RBFOX1: variants seen among roughly 807,000 people sequenced by gnomAD.
RBFOX1 encodes the protein RNA binding fox-1 homolog 1.
Under a neutral mutation model 57.7 loss-of-function variants are expected in RBFOX1, and 8 were observed. The ratio of observed to expected loss-of-function variants is 0.14; its 90% CI spans 0.08 to 0.25. RBFOX1 has a LOEUF of 0.25. Among genes scored for constraint, RBFOX1 ranks in the 10% least tolerant of loss-of-function variants. The probability of loss-of-function intolerance (pLI) is 1.00; values close to 1 mark genes in which losing one functional copy is unlikely to be tolerated. For synonymous variants in RBFOX1, 326 were observed against 222.4 expected, an observed-to-expected ratio of 1.47 and a Z score of -4.15; for missense variants, 611 against 548.5, an observed-to-expected ratio of 1.11 and a Z score of -1.14.
At chr16:6,508,241 A>C (rs994406328) in intron 2 of RBFOX1, among the ~76,000 whole-genome samples, 10 of 152,126 alleles carry the variant, frequency 6.6e-5, no homozygotes, top group Non-Finnish European at 4.4e-5. Flanking sequence ...GAGGGAGAGG[A>C]TCAGGAAAAA....
At chr16:5,354,183 C>A (rs146605471) in intron 1 of RBFOX1, among the ~76,000 whole-genome samples, 1 of 152,198 alleles carries the variant, frequency 6.6e-6, no homozygotes, top group African/African-American at 2.4e-5. Flanking sequence ...CTTGCGGGAG[C>A]TGTTCCTGTC....
intron 2 of RBFOX1, among the ~76,000 whole-genome samples, chr16:6,396,659 C>G (rs1019872593): frequency 6.6e-6 from 1 of 152,096 alleles, no homozygotes; most frequent in South Asian, 2.1e-4. Flanking sequence ...AAAATCAGCA[C>G]TCTTCTGAGT....
At chr16:6,952,149 T>C (rs1159527166) in intron 3 of RBFOX1, among the ~76,000 whole-genome samples, 3 of 152,186 alleles carry the variant, frequency 2.0e-5, no homozygotes, top group Admixed American at 6.5e-5. Flanking sequence ...GCAGAGCACA[T>C]AGTCGTTGTG....
chr16:5,951,133 C>A (rs533560351), intron 4 of RBFOX1, among the ~76,000 whole-genome samples: 1 of 152,034 alleles, frequency 6.6e-6, no homozygotes, highest in Admixed American at 6.6e-5. Context: ...AGAGAGATAT[C>A]CTGAACTTTT....
intron 3 of RBFOX1, among the ~76,000 whole-genome samples, chr16:6,942,262 C>G (rs569212402): frequency 2.0e-5 from 3 of 151,964 alleles, no homozygotes; most frequent in Admixed American, 2.0e-4. Context: ...CCTGACTGAC[C>G]GAGTGAGACT....
At chr16:6,922,513 A>G (rs553862686) in intron 3 of RBFOX1, among the ~76,000 whole-genome samples, 27 of 151,916 alleles carry the variant, frequency 1.8e-4, no homozygotes, top group African/African-American at 6.6e-4. Context: ...GTTTTTCCAC[A>G]TTTAAAATCT....
intron 4 of RBFOX1, among the ~76,000 whole-genome samples, chr16:7,480,575 C>A (rs768581752): frequency 6.6e-6 from 1 of 152,196 alleles, no homozygotes; most frequent in Admixed American, 6.5e-5. Flanking sequence ...GTCTCCATCA[C>A]CTCCTTTTTT....
At position 6,436,303 on chromosome 16, in the gene RBFOX1, C is replaced by A. The variant is rs1176625505; in HGVS notation, c.-64+119246C>A. On this transcript the variant is annotated intron_variant, in intron 2 of 15. Transcript: ENST00000550418. ...AATTACCAGTGAAATTACTTTTCCTCCTCTTAATGCCTTTTCTCTGTTAGT... is the reference window on the plus strand; with the variant it reads ...AATTACCAGTGAAATTACTTTTCCTACTCTTAATGCCTTTTCTCTGTTAGT... Among the ~76,000 whole-genome samples, 83 of 152,100 alleles carry A rather than the reference C, an allele frequency of 5.5e-4. 2 individuals carry two copies. The highest frequency in any genetic ancestry group is 5.4e-3 in the Admixed American group (83 of 15,262).
Position 6,192,154 on chromosome 16 carries a change from G to T in RBFOX1, c.-126-124841G>T, listed in dbSNP as rs540622072. Among the ~76,000 whole-genome samples the T allele has an allele frequency of 2.4e-4, 36 of 151,964 alleles. No homozygotes were observed. The South Asian group carries it at 6.7e-3, about 28-fold the overall frequency. On this transcript the variant is annotated intron_variant, in intron 1 of 15. Coordinates refer to ENST00000550418, the MANE Select transcript of RBFOX1 (RefSeq NM_018723.4). ...TATTAATTCTGTTTCCTTCCCCATC[G>T]CAATTTAGTTTGGAAGATGTCAGTG...
intron 4 of RBFOX1, among the ~76,000 whole-genome samples, chr16:7,219,081 G>T (rs185082701): frequency 3.9e-5 from 6 of 152,290 alleles, no homozygotes; most frequent in Non-Finnish European, 7.3e-5. Flanking sequence ...TTGGCCACCA[G>T]CAGTCTTCAT....
chr16:7,649,645 C>G (rs1474584527), intron 11 of RBFOX1, among the ~76,000 whole-genome samples: 1 of 152,176 alleles, frequency 6.6e-6, no homozygotes, highest in Non-Finnish European at 1.5e-5. Context: ...TGGCTGTACT[C>G]TCCCAGAAGG....
intron 1 of RBFOX1, among the ~76,000 whole-genome samples, chr16:6,030,339 G>A (rs975656598): frequency 6.6e-6 from 1 of 152,160 alleles, no homozygotes; most frequent in Non-Finnish European, 1.5e-5. Context: ...ACACTTCTAA[G>A]TGGAATACCT....
intron 3 of RBFOX1, among the ~76,000 whole-genome samples, chr16:5,675,228 A>G (rs2050129559): frequency 6.6e-6 from 1 of 152,152 alleles, no homozygotes; most frequent in Non-Finnish European, 1.5e-5. Context: ...GCACACACAC[A>G]CACACGCACA....
intron 14 of RBFOX1, among the ~76,000 whole-genome samples, chr16:7,686,336 A>C (rs2076058884): frequency 6.6e-6 from 1 of 152,070 alleles, no homozygotes; most frequent in African/African-American, 2.4e-5. Context: ...TGGGAACCGC[A>C]AGATCAAATA....
rs188098627 is a variant in RBFOX1 at position 6,323,981 on chromosome 16, C to A, written c.-64+6924C>A. ...AGAGAAAGGGTTTTGCCATGTTGGC[C>A]AGCCTGGTCTCAAACTCCTGACCTC... On this transcript the variant is annotated intron_variant, in intron 2 of 15. Coordinates refer to ENST00000550418, the MANE Select transcript of RBFOX1 (RefSeq NM_018723.4). 1.0e-3 allele frequency among the ~76,000 whole-genome samples: 159 copies of A among 152,234 alleles called. 1 individual carries two copies. Among genetic ancestry groups the A allele is most frequent in the Non-Finnish European group, 1.1e-3 (77 of 68,014 alleles).
intron 1 of RBFOX1, among the ~76,000 whole-genome samples, chr16:6,274,358 A>C (rs552558130): frequency 6.6e-6 from 1 of 152,346 alleles, no homozygotes; most frequent in East Asian, 1.9e-4. Context: ...CACAAAATAC[A>C]ACCCAGTAAC....
At chr16:7,483,936 T>C (rs1282835687) in intron 4 of RBFOX1, among the ~76,000 whole-genome samples, 1 of 152,242 alleles carries the variant, frequency 6.6e-6, no homozygotes, top group South Asian at 2.1e-4. Context: ...TTATATACAA[T>C]CTCACAGTCT....
chr16:6,775,722 G>T (rs1459464815), intron 3 of RBFOX1: 1 of 152,152 alleles, frequency 6.6e-6, no homozygotes, highest in Non-Finnish European at 1.5e-5. Context: ...TCATTTTGGT[G>T]GCTTTCAAAG....
At chr16:5,699,502 C>T (rs1473951581) in intron 3 of RBFOX1, among the ~76,000 whole-genome samples, 2 of 151,850 alleles carry the variant, frequency 1.3e-5, no homozygotes, top group East Asian at 3.9e-4. Context: ...AATTTTGCCC[C>T]CAAGAGGATG....
Sources: gnomAD v4.1 joint callset for allele counts (sites outside exome capture counted in the v4.1 genomes callset) on GRCh38, gnomAD v4.1.1 for gene constraint, MANE v1.5 for transcripts, NCBI Gene and HGNC (gene_info 2026-07-23, HGNC 2026-07-21) for gene names.